PARP10: variants seen among roughly 807,000 people sequenced by gnomAD.
The protein encoded by PARP10 is protein mono-ADP-ribosyltransferase PARP10.
Under a neutral mutation model 82.4 loss-of-function variants are expected in PARP10, and 56 were observed. The observed-to-expected ratio is 0.68, with a 90% confidence interval of 0.55 to 0.85. PARP10 has a LOEUF of 0.85. Ranked by LOEUF, PARP10 falls within the 40% of genes least tolerant of loss-of-function variation. The probability of loss-of-function intolerance (pLI) is 0.00; values close to 1 mark genes in which losing one functional copy is unlikely to be tolerated. For missense variants in PARP10, 1,227 were observed against 1,379.4 expected, an observed-to-expected ratio of 0.89 and a Z score of 1.75; for synonymous variants, 576 against 601.1, an observed-to-expected ratio of 0.96 and a Z score of 0.61.
At chr8:143,980,301 CTGAG>C (rs1365254979) in intron 9 of PARP10, among the ~76,000 whole-genome samples, 3 of 111,420 alleles carry the variant, frequency 2.7e-5, no homozygotes, top group Non-Finnish European at 5.0e-5. Flanking sequence ...GCCTGGGCTA[CTGAG>C]TGAGATTCCG....
chr8:143,996,661 C>T (rs1834166978), intron 1 of PARP10, among the ~76,000 whole-genome samples: 2 of 152,202 alleles, frequency 1.3e-5, no homozygotes, highest in African/African-American at 4.8e-5. Context: ...AGCATGAATG[C>T]TCACTGCCCT....
At position 143,984,613 on chromosome 8, in the gene PARP10, C is replaced by T; in HGVS notation, c.1389G>A (p.Glu463=). 1 of 1,614,036 alleles carries T rather than the reference C, an allele frequency of 6.2e-7. No homozygotes were observed. The highest frequency in any genetic ancestry group is 1.1e-5 in the South Asian group (1 of 91,086). The change falls in exon 5 of 11, where the codon GAG becomes GAA. Residue 463 remains glutamate (E), a synonymous_variant. Coordinates refer to ENST00000313028, the MANE Select transcript of PARP10 (RefSeq NM_032789.5). ...CGTCTCCCAGGCCCGCAAGAAGGTCCTCATGGTAGAGCTGCAGGAAGCGCA... is the reference window on the plus strand; with the variant it reads ...CGTCTCCCAGGCCCGCAAGAAGGTCTTCATGGTAGAGCTGCAGGAAGCGCA... The part of the protein sequence containing the change: ...GAMRFLQLYH[E]DLLAGLGDVA...
intron 1 of PARP10, among the ~76,000 whole-genome samples, chr8:143,996,609 G>A (rs1175099544): frequency 2.0e-5 from 3 of 152,198 alleles, no homozygotes; most frequent in African/African-American, 2.4e-5. Context: ...CACCACAGGC[G>A]TCAAACGTGA....
upstream of PARP10, chr8:143,992,325 G>A: frequency 6.3e-7 from 1 of 1,588,098 alleles, no homozygotes; most frequent in Non-Finnish European, 8.6e-7. Context: ...TCATGGCCGT[G>A]GGCATCACCA....
At chr8:143,991,950 G>A (rs781876977), upstream of PARP10, 70 of 1,613,776 alleles carry the variant, frequency 4.3e-5, no homozygotes, top group Non-Finnish European at 5.5e-5. Context: ...TGTTGCGGAG[G>A]TGAAGGGCTT....
chr8:143,989,269 G>A (rs533117076), upstream of PARP10, among the ~76,000 whole-genome samples: 1 of 152,362 alleles, frequency 6.6e-6, no homozygotes, highest in South Asian at 2.1e-4. This position sits in a 1 kb window ranked among gnomAD's most constrained non-coding sequence, Gnocchi z 4.3. Context: ...TGGGAGCTAA[G>A]CAGGGAGGTG....
chr8:143,996,943 G>A (rs1417119286), intron 1 of PARP10, among the ~76,000 whole-genome samples: 2 of 152,162 alleles, frequency 1.3e-5, no homozygotes, highest in Non-Finnish European at 2.9e-5. Context: ...TGAAGACTAT[G>A]GTGATGGTGC....
At position 143,984,617 on chromosome 8, in the gene PARP10, T is replaced by C. The variant is rs1235776676; in HGVS notation, c.1385A>G (p.His462Arg). The change falls in exon 5 of 11, where the codon CAT becomes CGT. Residue 462 changes from histidine (H) to arginine (R), a missense_variant. By Grantham distance (29) the His-to-Arg change is conservative. Coordinates refer to ENST00000313028, the MANE Select transcript of PARP10 (RefSeq NM_032789.5). Reference sequence around the variant, plus strand: ...TCCCAGGCCCGCAAGAAGGTCCTCATGGTAGAGCTGCAGGAAGCGCATCGC... The same window carrying C: ...TCCCAGGCCCGCAAGAAGGTCCTCACGGTAGAGCTGCAGGAAGCGCATCGC... ...PGAMRFLQLY[H>R]EDLLAGLGDV... The C allele has an allele frequency of 5.6e-6, 9 of 1,613,906 alleles. No homozygotes were observed. The highest frequency in any genetic ancestry group is 5.0e-5 in the Admixed American group (3 of 59,992).
intron 1 of PARP10, among the ~76,000 whole-genome samples, chr8:144,012,239 C>G (rs1554752551): frequency 6.6e-6 from 1 of 152,222 alleles, no homozygotes; most frequent in Admixed American, 6.5e-5. Flanking sequence ...ACGGAAGAGG[C>G]ACCATGAGGG....
At chr8:144,002,755 A>T (rs1198398141) in intron 1 of PARP10, among the ~76,000 whole-genome samples, 212 of 152,292 alleles carry the variant, frequency 1.4e-3, no homozygotes, top group African/African-American at 4.5e-3. Context: ...ACTAATTACA[A>T]AAACATTCAA....
In PARP10 at chr8:143,985,516, T is replaced by G. The variant is rs1554749099; in HGVS notation, c.569A>C (p.Glu190Ala). The G allele has an allele frequency of 3.1e-6, 5 of 1,613,754 alleles. No homozygotes were observed. The highest frequency in any genetic ancestry group is 4.2e-6 in the Non-Finnish European group (5 of 1,179,920). The part of the protein sequence containing the change: ...DGASVDLLLL[E>A]LYLENERRSG... ...GCGGCGCTCATTCTCCAGGTACAAC[T>G]CCAGCAACAGCAGGTCCACAGAGGC... The change falls in exon 4 of 11, where the codon GAG becomes GCG. Residue 190 changes from glutamate to alanine, a missense_variant. Glu to Ala is a moderately radical substitution (Grantham distance 107). Coordinates refer to ENST00000313028, the MANE Select transcript of PARP10 (RefSeq NM_032789.5).
intron 1 of PARP10, among the ~76,000 whole-genome samples, chr8:144,006,868 T>A (rs182472948): frequency 1.3e-5 from 2 of 152,300 alleles, no homozygotes; most frequent in Admixed American, 1.3e-4. Context: ...GAAAAATCAA[T>A]GTTTATTGCT....
At chr8:143,993,669 C>T (rs563907371), upstream of PARP10, among the ~76,000 whole-genome samples, 89 of 152,334 alleles carry the variant, frequency 5.8e-4, no homozygotes, top group Non-Finnish European at 1.1e-3. Context: ...GCTGTGTCTA[C>T]CAGGTGCTCC....
chr8:143,991,409 C>A (rs782438595), upstream of PARP10: 26 of 1,257,568 alleles, frequency 2.1e-5, no homozygotes, highest in Non-Finnish European at 2.6e-5. Context: ...ATGGCCCCAG[C>A]CCCTACCCCC....
rs1554748219 is a variant in PARP10 at position 143,983,403 on chromosome 8, G to A, written c.2186C>T (p.Ala729Val). 6.2e-7 allele frequency: 1 copy of A among 1,604,590 alleles called. No individual in the cohort carries two copies. Among genetic ancestry groups the A allele is most frequent in the Non-Finnish European group, 8.5e-7 (1 of 1,179,306 alleles). Residue 729 changes from alanine to valine, a missense_variant, in exon 8 of 11, where the codon GCC becomes GTC. Physicochemically the swap from Ala to Val is moderately conservative, Grantham distance 64. Transcript: ENST00000313028. ...VEELDRALRAALEVHVQEETV... is the reference protein window; with the variant it reads ...VEELDRALRAVLEVHVQEETV... ...CTCCTCCTGGACGTGGACCTCCAAGGCAGCCCTGAGCGCCCGGTCCAGCTC... is the reference window on the plus strand; with the variant it reads ...CTCCTCCTGGACGTGGACCTCCAAGACAGCCCTGAGCGCCCGGTCCAGCTC...
chr8:143,987,026 GT>G, upstream of PARP10: 1 of 153,886 alleles, frequency 6.5e-6, no homozygotes, highest in East Asian at 1.9e-4. Context: ...GCAGCTTTCT[GT>G]CCTGCCTGCA....
At chr8:144,004,383 T>G (rs1373148598) in intron 1 of PARP10, among the ~76,000 whole-genome samples, 1 of 152,082 alleles carries the variant, frequency 6.6e-6, no homozygotes, top group Non-Finnish European at 1.5e-5. Flanking sequence ...ACAGTTTTCG[T>G]TTTACAAAAA....
chr8:143,977,918 C>T lies in PARP10; in HGVS notation c.2720G>A (p.Cys907Tyr). ...ICAHGFNRSF[C>Y]GRNATVYGKG... The stretch of plus-strand genomic sequence containing the variant: ...GGCTCAGGCCTCACCGTTGCGGCCG[C>T]AGAAGCTGCGGTTGAAGCCGTGGGC... The change falls in exon 10 of 11, where the codon TGC (cysteine) becomes TAC (tyrosine). Residue 907 changes from cysteine to tyrosine, a missense_variant. Coordinates refer to ENST00000313028, the MANE Select transcript of PARP10 (RefSeq NM_032789.5). The T allele has an allele frequency of 6.2e-7, 1 of 1,601,626 alleles. No individual in the cohort carries two copies. The highest frequency in any genetic ancestry group is 8.5e-7 in the Non-Finnish European group (1 of 1,179,346).
chr8:144,003,104 AC>A (rs1834212910), intron 1 of PARP10, among the ~76,000 whole-genome samples: 1 of 152,214 alleles, frequency 6.6e-6, no homozygotes, highest in African/African-American at 2.4e-5. Flanking sequence ...ATTTACATGG[AC>A]ACTCCACTAC....
Sources: gnomAD v4.1 joint callset for allele counts (sites outside exome capture counted in the v4.1 genomes callset) on GRCh38, gnomAD v4.1.1 for gene constraint, Gnocchi (gnomAD v3.1) non-coding constraint, MANE v1.5 for transcripts, NCBI Gene and HGNC (gene_info 2026-07-23, HGNC 2026-07-21) for gene names.